Variants in IQGAP1 observed in about 807,000 individuals in gnomAD.
IQGAP1 encodes IQ motif containing GTPase activating protein 1.
A neutral mutation model predicts 215.6 loss-of-function variants in IQGAP1; 66 were observed. The observed-to-expected ratio is 0.31, with a 90% confidence interval of 0.25 to 0.38. IQGAP1 has a LOEUF of 0.38. Among genes scored for constraint, IQGAP1 ranks in the 10% least tolerant of loss-of-function variants. The pLI is 1.00. For missense variants in IQGAP1, 1,712 were observed against 1,997.1 expected (o/e 0.86, Z 2.72); for synonymous variants, 772 against 728.7 (o/e 1.06, Z -0.96).
At position 90,425,441 on chromosome 15, in the gene IQGAP1, TAA is replaced by T. The variant is rs145775113; in HGVS notation, c.156-668_156-667del. Among the ~76,000 whole-genome samples the T allele has an allele frequency of 6.5e-3, 991 of 152,352 alleles. 29 individuals are homozygous for T. The East Asian group carries it at 0.082, about 13-fold the overall frequency. On this transcript the variant is annotated intron_variant, in intron 2 of 37. Coordinates refer to ENST00000268182, the MANE Select transcript of IQGAP1 (RefSeq NM_003870.4). ...TATCTTAGGCTTTCTTGAAATGTAC[TAA>T]GAGATATTTGAAGGGGAAAATACAG...
chr15:90,440,423 A>T (rs1965432408), intron 6 of IQGAP1, 79 bp from the exon 7 acceptor site: 2 of 946,384 alleles, frequency 2.1e-6, no homozygotes, highest in Non-Finnish European at 3.3e-6. Flanking sequence ...CCCATTGCAT[A>T]GTTGAGGAAT....
In IQGAP1 at chr15:90,442,450, G is replaced by C. The variant is rs575469972; in HGVS notation, c.828+766G>C. ...ACAGGGCGAGACTCCGTCTCGGGGGGGAAAAAAAAAACTTCACACAAATTT... is the reference window on the plus strand; with the variant it reads ...ACAGGGCGAGACTCCGTCTCGGGGGCGAAAAAAAAAACTTCACACAAATTT... On this transcript the variant is annotated intron_variant, in intron 8 of 37. Coordinates refer to ENST00000268182, the MANE Select transcript of IQGAP1 (RefSeq NM_003870.4). Among the ~76,000 whole-genome samples the C allele has an allele frequency of 1.3e-3, 174 of 129,756 alleles. 1 individual carries two copies. Among genetic ancestry groups the C allele is most frequent in the African/African-American group, 4.5e-3 (161 of 35,436 alleles). 85.1% of individuals were successfully genotyped at this position (129,756 alleles called of 152,430 possible).
intron 2 of IQGAP1, among the ~76,000 whole-genome samples, chr15:90,400,899 C>A (rs1398387954): frequency 1.3e-5 from 2 of 152,170 alleles, no homozygotes; most frequent in African/African-American, 4.8e-5. Context: ...GGTAGTGGAA[C>A]CTGTTTTGGA....
chr15:90,472,032 G>C (rs1468382499), intron 18 of IQGAP1, among the ~76,000 whole-genome samples: 3 of 152,152 alleles, frequency 2.0e-5, no homozygotes, highest in African/African-American at 7.2e-5. Context: ...TCTGTCAGCT[G>C]CTTTCCTAAC....
At chr15:90,408,859 A>T (rs552718359) in intron 2 of IQGAP1, among the ~76,000 whole-genome samples, 3 of 152,202 alleles carry the variant, frequency 2.0e-5, no homozygotes, top group East Asian at 3.9e-4. Flanking sequence ...GGGTGCAATC[A>T]TAGCTCATGG....
Position 90,473,816 on chromosome 15 carries a change from G to A in IQGAP1, c.2433+18G>A. ...TTGTAAAGGTATGGTAGCCTGAACA[G>A]GGTTTCTCCATGAGGGGCACAGGTA... On this transcript the variant is annotated intron_variant, in intron 20 of 37. Coordinates refer to ENST00000268182, the MANE Select transcript of IQGAP1 (RefSeq NM_003870.4). The A allele has an allele frequency of 6.2e-7, 1 of 1,611,944 alleles. No individual in the cohort carries two copies. The highest frequency in any genetic ancestry group is 8.5e-7 in the Non-Finnish European group (1 of 1,178,774).
At position 90,444,277 on chromosome 15, in the gene IQGAP1, GTGTATA is replaced by G. The variant is rs1411206955; in HGVS notation, c.913+801_913+806del. Among the ~76,000 whole-genome samples, 591 of 111,132 alleles carry G rather than the reference GTGTATA, an allele frequency of 5.3e-3. 6 individuals carry two copies. Among genetic ancestry groups the G allele is most frequent in the African/African-American group, 0.018 (398 of 21,672 alleles). 72.9% of individuals were successfully genotyped at this position (111,132 alleles called of 152,430 possible). On this transcript the variant is annotated intron_variant, in intron 9 of 37. Coordinates refer to ENST00000268182, the MANE Select transcript of IQGAP1 (RefSeq NM_003870.4). ...TGTGTGTGTGTGTGTGTGTGTGTGT[GTGTATA>G]TATATATTTTTTTTTTTCTTTAAGA... is the stretch of plus-strand genomic sequence containing the variant.
At chr15:90,446,104 T>G (rs1422387254) in intron 9 of IQGAP1, among the ~76,000 whole-genome samples, 1 of 152,176 alleles carries the variant, frequency 6.6e-6, no homozygotes, top group Non-Finnish European at 1.5e-5. Flanking sequence ...TAAACTGGAG[T>G]GTCCTTATGG....
chr15:90,396,469 A>G (rs1280840785), intron 2 of IQGAP1, among the ~76,000 whole-genome samples: 1 of 152,310 alleles, frequency 6.6e-6, no homozygotes, highest in Non-Finnish European at 1.5e-5. Flanking sequence ...TGAGAAGTCT[A>G]GTTATCTCAT....
At chr15:90,453,838 C>G (rs575105237) in intron 13 of IQGAP1, among the ~76,000 whole-genome samples, 4 of 152,266 alleles carry the variant, frequency 2.6e-5, no homozygotes, top group Admixed American at 2.0e-4. Flanking sequence ...TTCAGTTCAA[C>G]ATTTTTGATG....
intron 33 of IQGAP1, among the ~76,000 whole-genome samples, chr15:90,490,367 G>A (rs1966186408): frequency 6.6e-6 from 1 of 152,204 alleles, no homozygotes; most frequent in Admixed American, 6.5e-5. Flanking sequence ...ATGGTAATTG[G>A]TGATAAGAGC....
At chr15:90,490,883 A>G (rs1966193558) in intron 33 of IQGAP1, among the ~76,000 whole-genome samples, 1 of 152,190 alleles carries the variant, frequency 6.6e-6, no homozygotes, top group Non-Finnish European at 1.5e-5. Flanking sequence ...ATCTTGGCTC[A>G]CTGCAAGCTC....
chr15:90,441,557 C>T lies in IQGAP1; in HGVS notation c.701C>T (p.Ala234Val). 1 of 1,613,816 alleles carries T rather than the reference C, an allele frequency of 6.2e-7. No individual in the cohort carries two copies. The highest frequency in any genetic ancestry group is 8.5e-7 in the Non-Finnish European group (1 of 1,179,946). Reference protein sequence around the residue: ...INEAIDRRIPADTFAALKNPN... With the variant: ...INEAIDRRIPVDTFAALKNPN... ...GAAGCTATTGACCGTAGAATTCCAG[C>T]CGACACATTTGCAGCTTTGAAAAAT... is the stretch of plus-strand genomic sequence containing the variant. The change falls in exon 8 of 38, where the codon GCC becomes GTC. Residue 234 changes from alanine to valine, a missense_variant. Coordinates refer to ENST00000268182, the MANE Select transcript of IQGAP1 (RefSeq NM_003870.4).
At chr15:90,479,513 GGA>G (rs1246493074) in intron 26 of IQGAP1, among the ~76,000 whole-genome samples, 1 of 151,282 alleles carries the variant, frequency 6.6e-6, no homozygotes, top group Non-Finnish European at 1.5e-5. Flanking sequence ...TGAGGTGGGA[GGA>G]TTGCTTGAGC....
rs1238937843 is a variant in IQGAP1, at chr15:90,501,197, A to G, written c.*1089A>G. On this transcript the variant is annotated 3_prime_UTR_variant, in exon 38 of 38. Coordinates refer to ENST00000268182, the MANE Select transcript of IQGAP1 (RefSeq NM_003870.4). Reference sequence around the variant, plus strand: ...CCTTTAATTGTCTAAAACAAAAACAAAACCAGCCAACCTATGTTACACGTG... The same window carrying G: ...CCTTTAATTGTCTAAAACAAAAACAGAACCAGCCAACCTATGTTACACGTG... 6.6e-6 allele frequency: 1 copy of G among 152,494 alleles called. No homozygotes were observed. Among genetic ancestry groups the G allele is most frequent in the Non-Finnish European group, 1.5e-5 (1 of 68,030 alleles). 9.4% of individuals were successfully genotyped at this position (152,494 alleles called of 1,614,324 possible).
intron 2 of IQGAP1, chr15:90,393,618 G>GC (rs764246523): frequency 4.6e-5 from 7 of 152,040 alleles, no homozygotes; most frequent in Non-Finnish European, 1.0e-4. Flanking sequence ...TTAAAACTCT[G>GC]CCTTATGCTG....
intron 2 of IQGAP1, among the ~76,000 whole-genome samples, chr15:90,422,552 CTATA>C (rs909145171): frequency 2.1e-5 from 3 of 144,492 alleles, no homozygotes; most frequent in African/African-American, 2.5e-5. Flanking sequence ...TCTTCAGAAA[CTATA>C]TAATAACATG....
intron 1 of IQGAP1, among the ~76,000 whole-genome samples, chr15:90,388,841 C>T (rs1390819594): frequency 1.3e-5 from 2 of 152,204 alleles, no homozygotes; most frequent in African/African-American, 4.8e-5. Context: ...GGGTCCAGAC[C>T]TGTCCGGTCC....
At chr15:90,482,345 C>T in intron 28 of IQGAP1, 64 bp downstream of exon 28, 3 of 1,482,748 alleles carry the variant, frequency 2.0e-6, no homozygotes, top group African/African-American at 1.4e-5. Context: ...CCAGGGCTGA[C>T]CATAGATCAT....
Sources: allele counts gnomAD v4.1 joint callset (sites outside exome capture counted in the v4.1 genomes callset), GRCh38; gene constraint gnomAD v4.1.1; transcripts MANE v1.5; gene names NCBI Gene and HGNC (gene_info 2026-07-23, HGNC 2026-07-21).